LNX2: variants seen among roughly 807,000 people sequenced by gnomAD.
LNX2 encodes the protein ligand of numb-protein X 2.
Under a neutral mutation model 66.2 loss-of-function variants are expected in LNX2, and 35 were observed. That is an observed-to-expected ratio of 0.53 (90% CI 0.40 to 0.70). The LOEUF (loss-of-function observed/expected upper bound fraction) is 0.70, where lower values mean the gene tolerates loss of function less well. LNX2 is among the 30% of genes least tolerant of loss of function. The probability of loss-of-function intolerance (pLI) is 0.00; values close to 1 mark genes in which losing one functional copy is unlikely to be tolerated. For missense variants in LNX2, 791 were observed against 850.8 expected, an observed-to-expected ratio of 0.93 and a Z score of 0.87; for synonymous variants, 337 against 315.6, an observed-to-expected ratio of 1.07 and a Z score of -0.72.
chr13:27,556,949 A>C (rs959732454), intron 6 of LNX2, among the ~76,000 whole-genome samples: 3 of 152,226 alleles, frequency 2.0e-5, no homozygotes, highest in Non-Finnish European at 4.4e-5. Context: ...CAAAATCTTC[A>C]TGAAAAGCTA....
intron 1 of LNX2, among the ~76,000 whole-genome samples, chr13:27,586,631 G>A (rs1955489704): frequency 6.6e-6 from 1 of 152,156 alleles, no homozygotes; most frequent in African/African-American, 2.4e-5. Flanking sequence ...TATACAGGAG[G>A]ACATGCCCAT....
chr13:27,594,845 C>T (rs530636569), intron 1 of LNX2, among the ~76,000 whole-genome samples: 4 of 152,226 alleles, frequency 2.6e-5, no homozygotes, highest in African/African-American at 7.2e-5. Context: ...CCCTTTCTTC[C>T]ATTCCCACCA....
intron 2 of LNX2, among the ~76,000 whole-genome samples, chr13:27,579,357 G>A (rs1168288747): frequency 6.6e-6 from 1 of 152,012 alleles, no homozygotes; most frequent in Non-Finnish European, 1.5e-5. Context: ...TCTGTATCAG[G>A]CAAATCACCA....
At chr13:27,609,489 T>C (rs1955752005) in intron 1 of LNX2, among the ~76,000 whole-genome samples, 1 of 152,210 alleles carries the variant, frequency 6.6e-6, no homozygotes, top group Non-Finnish European at 1.5e-5. Flanking sequence ...AAGAAAGTTA[T>C]ATTATAAACA....
At chr13:27,570,561 T>C (rs996574990) in intron 2 of LNX2, among the ~76,000 whole-genome samples, 1 of 152,212 alleles carries the variant, frequency 6.6e-6, no homozygotes, top group Non-Finnish European at 1.5e-5. Context: ...TCTGTATTGT[T>C]GTACAGCACT....
chr13:27,574,485 T>C (rs1955321710), intron 2 of LNX2, among the ~76,000 whole-genome samples: 2 of 151,552 alleles, frequency 1.3e-5, no homozygotes, highest in African/African-American at 2.4e-5. Context: ...ACTGGCAAAC[T>C]TGCAGATAGG....
chr13:27,591,123 G>C (rs1016441874), intron 1 of LNX2, among the ~76,000 whole-genome samples: 69 of 152,070 alleles, frequency 4.5e-4, no homozygotes, highest in African/African-American at 1.6e-3. Context: ...ATGGCCTCAG[G>C]GGCAGGGACC....
intron 2 of LNX2, among the ~76,000 whole-genome samples, chr13:27,579,264 C>T (rs1955373682): frequency 6.6e-6 from 1 of 152,202 alleles, no homozygotes. Flanking sequence ...CTGTTCATCA[C>T]TATCTGTTCA....
At chr13:27,614,352 G>GA (rs1955804815) in intron 1 of LNX2, among the ~76,000 whole-genome samples, 1 of 152,116 alleles carries the variant, frequency 6.6e-6, no homozygotes, top group East Asian at 1.9e-4. Flanking sequence ...ATCTGTTCAG[G>GA]TTTTTTGGTT....
intron 1 of LNX2, among the ~76,000 whole-genome samples, chr13:27,616,267 T>C (rs1171549519): frequency 6.6e-6 from 1 of 152,098 alleles, no homozygotes; most frequent in Non-Finnish European, 1.5e-5. Flanking sequence ...TGAGTTTGTC[T>C]AAAGCCCTGG....
At chr13:27,590,450 C>G (rs933432079) in intron 1 of LNX2, among the ~76,000 whole-genome samples, 2 of 151,512 alleles carry the variant, frequency 1.3e-5, no homozygotes, top group African/African-American at 4.9e-5. Context: ...AACCCCTGAC[C>G]TCAAGTGATC....
At chr13:27,615,412 C>T (rs2138490676) in intron 1 of LNX2, among the ~76,000 whole-genome samples, 1 of 152,314 alleles carries the variant, frequency 6.6e-6, no homozygotes, top group South Asian at 2.1e-4. Context: ...GATCAGCTGT[C>T]CAGAAGCTCT....
chr13:27,555,063 A>G (rs913155252), intron 7 of LNX2, among the ~76,000 whole-genome samples: 1 of 152,042 alleles, frequency 6.6e-6, no homozygotes, highest in Non-Finnish European at 1.5e-5. Context: ...TGATCCTCCC[A>G]CCTCAGCTCC....
At chr13:27,620,278 GGCGCTGACCCACACCCAGCTGAC>G in intron 1 of LNX2, 74 bp downstream of exon 1, 1 of 152,116 alleles carries the variant, frequency 6.6e-6, no homozygotes, top group Admixed American at 6.5e-5. Context: ...CCCGGGGCGC[GGCGCTGACCCACACCCAGCTGAC>G]GCCCGCACCT....
intron 6 of LNX2, among the ~76,000 whole-genome samples, chr13:27,557,247 C>T (rs911737865): frequency 6.6e-6 from 1 of 151,904 alleles, no homozygotes; most frequent in Non-Finnish European, 1.5e-5. Context: ...TCACAAAAGT[C>T]CTGAAATTAT....
Position 27,546,419 on chromosome 13 carries a change from T to C in LNX2, c.*1916A>G, listed in dbSNP as rs557581406. The C allele has an allele frequency of 3.3e-5, 5 of 152,338 alleles. No individual in the cohort carries two copies. In the East Asian group the frequency reaches 9.6e-4, roughly 29 times the overall value. The allele number at this position is 152,338 out of a possible 1,614,324, so 9.4% of individuals were successfully genotyped here. A position where few individuals can be genotyped will look rare whatever the true frequency, so the allele number is the denominator to read the frequency against. Reference sequence around the variant, plus strand: ...ATATCAAAGCATTTCAAAATCAAACTGCTTCCAAAGCCAATCATCACACAA... The same window carrying C: ...ATATCAAAGCATTTCAAAATCAAACCGCTTCCAAAGCCAATCATCACACAA... On this transcript the variant is annotated 3_prime_UTR_variant, in exon 10 of 10. Transcript: ENST00000316334.
intron 4 of LNX2, among the ~76,000 whole-genome samples, chr13:27,566,312 G>A (rs1006374943): frequency 1.3e-5 from 2 of 152,218 alleles, no homozygotes; most frequent in Non-Finnish European, 2.9e-5. Flanking sequence ...TGTTTGCAGG[G>A]AAGGAAGAAG....
At chr13:27,560,091 G>A in intron 5 of LNX2, 106 bp from the exon 6 acceptor site, 1 of 993,126 alleles carries the variant, frequency 1.0e-6, no homozygotes, top group Non-Finnish European at 1.4e-6. Flanking sequence ...CTGTACCAGG[G>A]CGTCATCTGG....
chr13:27,606,397 A>ATT (rs1566133109), intron 1 of LNX2, among the ~76,000 whole-genome samples: 6 of 150,580 alleles, frequency 4.0e-5, no homozygotes, highest in Non-Finnish European at 8.9e-5. Flanking sequence ...AAAAAGAGAG[A>ATT]AAAGCTCAAA....
Sources: gnomAD v4.1 joint callset for allele counts (sites outside exome capture counted in the v4.1 genomes callset) on GRCh38, gnomAD v4.1.1 for gene constraint, MANE v1.5 for transcripts, NCBI Gene and HGNC (gene_info 2026-07-23, HGNC 2026-07-21) for gene names.